Variants in YAF2 observed in about 807,000 individuals in gnomAD.
YAF2 encodes the protein YY1 associated factor 2, also known as YY1-associated factor 2.
YAF2 carries 7 observed loss-of-function variants against 20.1 expected under a neutral mutation model. The ratio of observed to expected loss-of-function variants is 0.35; its 90% CI spans 0.20 to 0.65. The LOEUF is 0.65. Among genes scored for constraint, YAF2 ranks in the 30% least tolerant of loss-of-function variants. YAF2 has a pLI of 0.69. For missense variants in YAF2, 151 were observed against 219.2 expected (o/e 0.69, Z 1.96); for synonymous variants, 74 against 76.0 (o/e 0.97, Z 0.14).
chr12:42,166,641 G>T (rs751185068), intron 2 of YAF2, among the ~76,000 whole-genome samples: 10 of 152,122 alleles, frequency 6.6e-5, no homozygotes, highest in Non-Finnish European at 1.5e-4. Context: ...ATTGTCATCT[G>T]AAGACTCATG....
At chr12:42,192,675 G>C (rs1309813444) in intron 2 of YAF2, among the ~76,000 whole-genome samples, 1 of 152,218 alleles carries the variant, frequency 6.6e-6, no homozygotes, top group African/African-American at 2.4e-5. Flanking sequence ...CCAGAAAAGA[G>C]ATGGTGGCTT....
chr12:42,206,445 C>T (rs978311307), intron 2 of YAF2, among the ~76,000 whole-genome samples: 2 of 151,856 alleles, frequency 1.3e-5, no homozygotes, highest in Non-Finnish European at 2.9e-5. Context: ...CCCATTTCTA[C>T]TAAAAATACA....
chr12:42,224,206 G>T (rs1050710659), intron 2 of YAF2, among the ~76,000 whole-genome samples: 1 of 151,946 alleles, frequency 6.6e-6, no homozygotes, highest in Non-Finnish European at 1.5e-5. Flanking sequence ...ACCCTTAAAG[G>T]CTAGAATTGG....
At chr12:42,176,811 A>C (rs2066206870) in intron 2 of YAF2, among the ~76,000 whole-genome samples, 1 of 152,122 alleles carries the variant, frequency 6.6e-6, no homozygotes, top group African/African-American at 2.4e-5. Context: ...AAAATACAAA[A>C]AAAAATGTAG....
At chr12:42,169,473 G>A (rs1231746780) in intron 2 of YAF2, among the ~76,000 whole-genome samples, 1 of 151,838 alleles carries the variant, frequency 6.6e-6, no homozygotes, top group African/African-American at 2.4e-5. Context: ...GAGTGCATTG[G>A]CACAATCTCA....
At chr12:42,228,404 C>T (rs1359143010) in intron 2 of YAF2, among the ~76,000 whole-genome samples, 4 of 64,378 alleles carry the variant, frequency 6.2e-5, no homozygotes, top group African/African-American at 8.8e-5. Flanking sequence ...GCCCGGCCAG[C>T]CGCCCCGTCC....
At chr12:42,227,862 G>C (rs1490520548) in intron 2 of YAF2, among the ~76,000 whole-genome samples, 1 of 124,492 alleles carries the variant, frequency 8.0e-6, no homozygotes, top group Admixed American at 7.8e-5. Flanking sequence ...TCAGCCCCCC[G>C]CCCCGCCAGC....
chr12:42,171,110 A>C (rs946529755), intron 2 of YAF2, among the ~76,000 whole-genome samples: 1 of 152,094 alleles, frequency 6.6e-6, no homozygotes, highest in Non-Finnish European at 1.5e-5. Context: ...CTCCTGCCTC[A>C]GCCTCCCAAG....
At position 42,227,312 on chromosome 12, in the gene YAF2, G is replaced by A. The variant is rs1286382590; in HGVS notation, c.152+10287C>T. Reference sequence around the variant, plus strand: ...TGCCTGGCCGCCCATCGTCTGCGACGTGAGGAGCCCCTCTGCCTGGCTGCC... The same window carrying A: ...TGCCTGGCCGCCCATCGTCTGCGACATGAGGAGCCCCTCTGCCTGGCTGCC... On this transcript the variant is annotated intron_variant, in intron 2 of 3. Transcript: ENST00000534854. Among the ~76,000 whole-genome samples the A allele has an allele frequency of 3.0e-5, 2 of 67,658 alleles. 1 individual carries two copies. Among genetic ancestry groups the A allele is most frequent in the Non-Finnish European group, 4.9e-5 (2 of 41,164 alleles). The allele number at this position is 67,658 out of a possible 152,430, so 44.4% of individuals were successfully genotyped here. A position where few individuals can be genotyped will look rare whatever the true frequency, so the allele number is the denominator to read the frequency against.
chr12:42,232,203 A>C (rs376160649), intron 2 of YAF2: 1 of 154,444 alleles, frequency 6.5e-6, no homozygotes, highest in African/African-American at 2.4e-5. Flanking sequence ...ATGGTGGTGA[A>C]TATTACAATG....
At chr12:42,195,120 G>C (rs115656237) in intron 2 of YAF2, among the ~76,000 whole-genome samples, 1,606 of 152,242 alleles carry the variant, frequency 0.011, 29 homozygotes, top group African/African-American at 0.037. Context: ...CATCCACTAA[G>C]TACTATTATG....
At chr12:42,161,840 C>A in intron 2 of YAF2, 75 bp from the exon 3 acceptor site, 1 of 1,332,068 alleles carries the variant, frequency 7.5e-7, no homozygotes, top group Non-Finnish European at 1.0e-6. Flanking sequence ...GAATATCTCA[C>A]ATTATGAAAA....
intron 2 of YAF2, among the ~76,000 whole-genome samples, chr12:42,196,645 T>C (rs2066760411): frequency 6.6e-6 from 1 of 152,184 alleles, no homozygotes; most frequent in Non-Finnish European, 1.5e-5. Flanking sequence ...CAACAAGGAC[T>C]GTGGAAAGCA....
chr12:42,216,042 T>G (rs10160853), intron 2 of YAF2, among the ~76,000 whole-genome samples: 9,511 of 152,210 alleles, frequency 0.062, 491 homozygotes, highest in East Asian at 0.15. Context: ...GTTTTGGGAT[T>G]TTTTGTTGTT....
chr12:42,165,334 A>T (rs974352000), intron 2 of YAF2, among the ~76,000 whole-genome samples: 3 of 152,240 alleles, frequency 2.0e-5, no homozygotes, highest in African/African-American at 7.2e-5. Context: ...CCTTTTAATA[A>T]GAGAACAATG....
At chr12:42,180,450 G>A (rs1418210102) in intron 2 of YAF2, among the ~76,000 whole-genome samples, 1 of 152,110 alleles carries the variant, frequency 6.6e-6, no homozygotes, top group Non-Finnish European at 1.5e-5. Flanking sequence ...CTCCTGTCGG[G>A]ACCCTTGAGA....
At chr12:42,166,970 T>C (rs992866910) in intron 2 of YAF2, among the ~76,000 whole-genome samples, 1 of 152,166 alleles carries the variant, frequency 6.6e-6, no homozygotes, top group East Asian at 1.9e-4. Flanking sequence ...TTCTGTTTTC[T>C]TATTATTTTG....
intron 2 of YAF2, chr12:42,235,979 C>A (rs1185562971): frequency 1.3e-6 from 2 of 1,536,080 alleles, no homozygotes; most frequent in Non-Finnish European, 8.7e-7. Context: ...ACACCAGCTT[C>A]CCCCCTTCCT....
In YAF2 at chr12:42,235,814, A is replaced by T. The variant is rs928105215; in HGVS notation, c.152+1785T>A. On this transcript the variant is annotated intron_variant, in intron 2 of 3. Transcript: ENST00000534854. ...GTGGGCCTCAAGCCTCTTTTAAACT[A>T]GGCCCACTTCTCTGTCCTGGGCCAA... 22 of 1,535,358 alleles carry T rather than the reference A, an allele frequency of 1.4e-5. No homozygotes were observed. The African/African-American group carries it at 3.0e-4, about 21-fold the overall frequency.
Sources: allele counts gnomAD v4.1 joint callset (sites outside exome capture counted in the v4.1 genomes callset), GRCh38; gene constraint gnomAD v4.1.1; transcripts MANE v1.5; gene names NCBI Gene and HGNC (gene_info 2026-07-23, HGNC 2026-07-21).